The following NCOA1 variants were observed in gnomAD, a reference collection of about 807,000 sequenced individuals.
NCOA1 encodes Hin-2 protein.
A neutral mutation model predicts 150.9 loss-of-function variants in NCOA1; 35 were observed. That is an observed-to-expected ratio of 0.23 (90% CI 0.18 to 0.31). NCOA1 has a LOEUF of 0.31. Among genes scored for constraint, NCOA1 ranks in the 10% least tolerant of loss-of-function variants. The pLI, the probability that NCOA1 is intolerant of heterozygous loss-of-function variation, is 1.00. For synonymous variants in NCOA1, 590 were observed against 630.0 expected, an observed-to-expected ratio of 0.94 and a Z score of 0.95; for missense variants, 1,491 against 1,749.3, an observed-to-expected ratio of 0.85 and a Z score of 2.63.
chr2:24,698,981 T>C (rs767915610), intron 11 of NCOA1, among the ~76,000 whole-genome samples: 12 of 152,190 alleles, frequency 7.9e-5, no homozygotes, highest in Non-Finnish European at 1.8e-4. Flanking sequence ...ACTAGACTTA[T>C]ACCACCTCCT....
chr2:24,496,929 G>T (rs1240284949), intron 1 of NCOA1, among the ~76,000 whole-genome samples: 1 of 152,108 alleles, frequency 6.6e-6, no homozygotes, highest in Non-Finnish European at 1.5e-5. Flanking sequence ...TTGTAAAAAG[G>T]TATTAATTAG....
chr2:24,532,149 C>T (rs999172292), intron 1 of NCOA1, among the ~76,000 whole-genome samples: 1 of 152,214 alleles, frequency 6.6e-6, no homozygotes, highest in Non-Finnish European at 1.5e-5. Context: ...GATCGCCATT[C>T]TAACTGGTGT....
chr2:24,509,796 T>C (rs1399433586), intron 1 of NCOA1, among the ~76,000 whole-genome samples: 7 of 152,182 alleles, frequency 4.6e-5, no homozygotes, highest in Non-Finnish European at 7.3e-5. Context: ...GATTCTTTTT[T>C]CTAAAAGGAC....
At chr2:24,587,466 A>G (rs1667463157) in intron 3 of NCOA1, among the ~76,000 whole-genome samples, 1 of 152,188 alleles carries the variant, frequency 6.6e-6, no homozygotes, top group Admixed American at 6.5e-5. Context: ...TTCCATCTTG[A>G]CATTCACTGA....
intron 3 of NCOA1, among the ~76,000 whole-genome samples, chr2:24,613,701 A>G (rs1455577506): frequency 6.6e-6 from 1 of 152,040 alleles, no homozygotes; most frequent in Non-Finnish European, 1.5e-5. Context: ...AATCCATGCA[A>G]ATGGGTCCTC....
At chr2:24,514,572 GCAGGCGGACCACTTGAGCC>G (rs1360191521) in intron 1 of NCOA1, among the ~76,000 whole-genome samples, 1 of 152,074 alleles carries the variant, frequency 6.6e-6, no homozygotes, top group Non-Finnish European at 1.5e-5. Context: ...GGAGACTGAG[GCAGGCGGACCACTTGAGCC>G]CAGGGGTTTG....
intron 17 of NCOA1, among the ~76,000 whole-genome samples, chr2:24,738,287 A>T (rs1572664360): frequency 6.6e-6 from 1 of 151,384 alleles, no homozygotes; most frequent in Admixed American, 6.6e-5. Flanking sequence ...TTTATGATAT[A>T]TAAGTATATA....
intron 20 of NCOA1, among the ~76,000 whole-genome samples, chr2:24,756,114 C>T (rs1334012807): frequency 6.7e-6 from 1 of 148,604 alleles, no homozygotes; most frequent in African/African-American, 2.5e-5. Flanking sequence ...ATTAGCTGGG[C>T]GTGATGGCAC....
chr2:24,636,919 T>A (rs754823746), intron 3 of NCOA1, among the ~76,000 whole-genome samples: 1 of 152,028 alleles, frequency 6.6e-6, no homozygotes, highest in Non-Finnish European at 1.5e-5. Flanking sequence ...TTTTTTATGT[T>A]AATTTTTAAA....
intron 6 of NCOA1, among the ~76,000 whole-genome samples, chr2:24,672,790 A>G (rs1671744199): frequency 6.6e-6 from 1 of 152,184 alleles, no homozygotes. Context: ...CAGATCAGAA[A>G]CTTTTATTAT....
chr2:24,721,564 C>T (rs1468494155), intron 14 of NCOA1, among the ~76,000 whole-genome samples: 1 of 152,196 alleles, frequency 6.6e-6, no homozygotes, highest in East Asian at 1.9e-4. Flanking sequence ...TGGGGAAACC[C>T]CTTGTGGCAG....
At chr2:24,734,106 G>A (rs184902985) in intron 17 of NCOA1, among the ~76,000 whole-genome samples, 2 of 151,836 alleles carry the variant, frequency 1.3e-5, no homozygotes, top group East Asian at 1.9e-4. Context: ...GAATCCAGGA[G>A]GTGGAGGTTG....
At chr2:24,683,265 A>G in intron 8 of NCOA1, 137 bp downstream of exon 8, 2 of 522,240 alleles carry the variant, frequency 3.8e-6, no homozygotes, top group Non-Finnish European at 5.6e-6. Context: ...ATATTTTTTC[A>G]GTGTGGTTTC....
At chr2:24,532,434 C>G (rs922190054) in intron 1 of NCOA1, among the ~76,000 whole-genome samples, 1 of 152,066 alleles carries the variant, frequency 6.6e-6, no homozygotes, top group Non-Finnish European at 1.5e-5. Context: ...TTTCTTTTGT[C>G]ATGCAGAAGC....
chr2:24,557,096 G>A (rs944290496), intron 1 of NCOA1, among the ~76,000 whole-genome samples: 11 of 149,320 alleles, frequency 7.4e-5, no homozygotes, highest in Non-Finnish European at 1.2e-4. Context: ...TAGCAGCCAC[G>A]CCCCATTCCC....
At chr2:24,629,809 C>CATATATATATATAT (rs1281547183) in intron 3 of NCOA1, among the ~76,000 whole-genome samples, 14 of 97,360 alleles carry the variant, frequency 1.4e-4, no homozygotes, top group Non-Finnish European at 2.3e-4. Context: ...TTTTAAGTAA[C>CATATATATATATAT]ATACATACAT....
chr2:24,567,834 T>A (rs752097533), intron 2 of NCOA1, among the ~76,000 whole-genome samples: 4 of 152,188 alleles, frequency 2.6e-5, no homozygotes, highest in African/African-American at 9.7e-5. Context: ...CACTGCAACC[T>A]CCGCCTCCTG....
chr2:24,581,238 T>G (rs866138181), intron 2 of NCOA1, among the ~76,000 whole-genome samples: 1 of 152,206 alleles, frequency 6.6e-6, no homozygotes, highest in Non-Finnish European at 1.5e-5. Context: ...GAAGGGTACC[T>G]TGTTACTACT....
chr2:24,631,194 C>T (rs1445932762), intron 3 of NCOA1, among the ~76,000 whole-genome samples: 1 of 152,058 alleles, frequency 6.6e-6, no homozygotes, highest in Non-Finnish European at 1.5e-5. Context: ...AATTATAACT[C>T]CATGCTACCA....
Sources: gnomAD v4.1 joint callset for allele counts (sites outside exome capture counted in the v4.1 genomes callset) on GRCh38, gnomAD v4.1.1 for gene constraint, MANE v1.5 for transcripts, NCBI Gene and HGNC (gene_info 2026-07-23, HGNC 2026-07-21) for gene names.